Variants in ALCAM observed in about 807,000 individuals in gnomAD.
ALCAM encodes activated leukocyte cell adhesion molecule.
A neutral mutation model predicts 70.9 loss-of-function variants in ALCAM; 30 were observed. That is an observed-to-expected ratio of 0.42 (90% CI 0.32 to 0.57). The LOEUF (loss-of-function observed/expected upper bound fraction) is 0.57, where lower values mean the gene tolerates loss of function less well. ALCAM is among the 20% of genes least tolerant of loss of function. ALCAM has a pLI of 0.11. For missense variants in ALCAM, 591 were observed against 695.1 expected (o/e 0.85, Z 1.68); for synonymous variants, 249 against 242.5 (o/e 1.03, Z -0.25).
intron 1 of ALCAM, among the ~76,000 whole-genome samples, chr3:105,447,345 G>T (rs1937323617): frequency 6.6e-6 from 1 of 152,120 alleles, no homozygotes; most frequent in Admixed American, 6.6e-5. Flanking sequence ...TTTAGTGCAG[G>T]AGTAAATTTC....
At position 105,518,318 on chromosome 3, in the gene ALCAM, T is replaced by G. The variant is rs370199462; in HGVS notation, c.74-1749T>G. ...GGATCCTCTCAAAATTATTACATAT[T>G]CAAGTGCCTTGTTATAAGCTGATGA... On this transcript the variant is annotated intron_variant, in intron 1 of 15. Transcript: ENST00000306107. Among the ~76,000 whole-genome samples, 374 of 152,220 alleles carry G rather than the reference T, an allele frequency of 2.5e-3. 3 individuals are homozygous for G. Among genetic ancestry groups the G allele is most frequent in the South Asian group, 0.013 (65 of 4,830 alleles).
chr3:105,576,829 G>T lies in ALCAM; in HGVS notation c.*2378G>T, dbSNP rs902311684. The T allele has an allele frequency of 6.6e-6, 1 of 152,142 alleles. No homozygotes were observed. Among genetic ancestry groups the T allele is most frequent in the African/African-American group, 2.4e-5 (1 of 41,434 alleles). 9.4% of individuals were successfully genotyped at this position (152,142 alleles called of 1,614,324 possible). A position where few individuals can be genotyped will look rare whatever the true frequency, so the allele number is the denominator to read the frequency against. On this transcript the variant is annotated 3_prime_UTR_variant, in exon 16 of 16. Coordinates refer to ENST00000306107, the MANE Select transcript of ALCAM (RefSeq NM_001627.4). The stretch of plus-strand genomic sequence containing the variant: ...GGTTCACTCCCTATATGTGATTATA[G>T]GAATTGTTTGTGGAAATGGATTAAC...
chr3:105,550,160 T>G lies in ALCAM; in HGVS notation c.1408T>G (p.Tyr470Asp). The G allele has an allele frequency of 6.3e-7, 1 of 1,599,538 alleles. No homozygotes were observed. Among genetic ancestry groups the G allele is most frequent in the South Asian group, 1.1e-5 (1 of 90,456 alleles). Residue 470 changes from tyrosine to aspartate, a missense_variant, in exon 12 of 16, where the codon TAT becomes GAT. By Grantham distance (160) the Tyr-to-Asp change is radical (BLOSUM62 -3). This residue lies in a region of ALCAM where 164 missense variants were observed against 244.7 expected (regional missense o/e 0.67). Coordinates refer to ENST00000306107, the MANE Select transcript of ALCAM (RefSeq NM_001627.4). ...EESPYINGRY[Y>D]SKIIISPEEN... Reference sequence around the variant, plus strand: ...ATCTCCTTATATTAATGGCAGGTATTATAGTAAAATTATCATTTCCCCTGA... The same window carrying G: ...ATCTCCTTATATTAATGGCAGGTATGATAGTAAAATTATCATTTCCCCTGA...
At chr3:105,508,660 G>A (rs1443423500) in intron 1 of ALCAM, among the ~76,000 whole-genome samples, 1 of 151,988 alleles carries the variant, frequency 6.6e-6, no homozygotes, top group Non-Finnish European at 1.5e-5. Context: ...CATATGCCTT[G>A]TGAAATGATG....
At chr3:105,547,583 C>T (rs535644769) in intron 11 of ALCAM, 60 bp downstream of exon 11, 36 of 1,576,260 alleles carry the variant, frequency 2.3e-5, no homozygotes, top group South Asian at 1.1e-4. Context: ...TTTTCCTTCA[C>T]GAACCTACCC....
At chr3:105,525,833 A>G (rs143136387) in intron 3 of ALCAM, among the ~76,000 whole-genome samples, 9 of 152,296 alleles carry the variant, frequency 5.9e-5, no homozygotes, top group Non-Finnish European at 1.3e-4. Flanking sequence ...CTTTCCAGAA[A>G]CCATCCACAC....
intron 1 of ALCAM, among the ~76,000 whole-genome samples, chr3:105,409,529 GA>G (rs1246250927): frequency 6.6e-6 from 1 of 152,006 alleles, no homozygotes; most frequent in African/African-American, 2.4e-5. Flanking sequence ...GCATAAGAAT[GA>G]CGCATTGGAC....
chr3:105,494,168 T>C (rs1938670209), intron 1 of ALCAM, among the ~76,000 whole-genome samples: 1 of 152,152 alleles, frequency 6.6e-6, no homozygotes, highest in Non-Finnish European at 1.5e-5. Flanking sequence ...CTGTGAGACA[T>C]ATGGGCCCAA....
At chr3:105,382,993 C>T (rs947435709) in intron 1 of ALCAM, among the ~76,000 whole-genome samples, 1 of 151,746 alleles carries the variant, frequency 6.6e-6, no homozygotes, top group African/African-American at 2.4e-5. Flanking sequence ...ATTCCATGTG[C>T]TAGCCATATT....
At chr3:105,432,905 G>A (rs535627592) in intron 1 of ALCAM, among the ~76,000 whole-genome samples, 2 of 152,004 alleles carry the variant, frequency 1.3e-5, no homozygotes, top group Admixed American at 6.6e-5. Flanking sequence ...TCTGTGAAAC[G>A]TAACAGGAGC....
Position 105,444,644 on chromosome 3 carries a change from T to G in ALCAM, c.74-75423T>G, listed in dbSNP as rs1937255408. On this transcript the variant is annotated intron_variant, in intron 1 of 15. Coordinates refer to ENST00000306107, the MANE Select transcript of ALCAM (RefSeq NM_001627.4). ...ATGAAAAATATAACTTAAAATACCA[T>G]GACTTCTGAATCAGGGTAGTTTGCA... Among the ~76,000 whole-genome samples the G allele has an allele frequency of 2.0e-5, 3 of 152,190 alleles. No homozygotes were observed. In the South Asian group the frequency reaches 6.2e-4, roughly 32 times the overall value.
rs141039730 is a variant in ALCAM at position 105,493,686 on chromosome 3, A to G, written c.74-26381A>G. On this transcript the variant is annotated intron_variant, in intron 1 of 15. Transcript: ENST00000306107. ...TGGATTCTCCCATAGAGTCTCCAGA[A>G]AGTAACAATCTGCTGACACCTTGAT... Among the ~76,000 whole-genome samples the G allele has an allele frequency of 6.8e-3, 1,029 of 152,288 alleles. 13 individuals carry two copies. Among genetic ancestry groups the G allele is most frequent in the Middle Eastern group, 0.01 (3 of 294 alleles).
At chr3:105,411,519 T>C (rs1165766782) in intron 1 of ALCAM, among the ~76,000 whole-genome samples, 1 of 152,118 alleles carries the variant, frequency 6.6e-6, no homozygotes, top group Admixed American at 6.6e-5. Flanking sequence ...TTTTATTAAC[T>C]GTTACTATGT....
chr3:105,460,594 T>C (rs1937589147), intron 1 of ALCAM, among the ~76,000 whole-genome samples: 1 of 151,906 alleles, frequency 6.6e-6, no homozygotes, highest in South Asian at 2.1e-4. Flanking sequence ...GGACAAGAAC[T>C]CACAGAGAGA....
intron 1 of ALCAM, among the ~76,000 whole-genome samples, chr3:105,434,518 C>T (rs896045670): frequency 4.0e-5 from 6 of 151,880 alleles, no homozygotes; most frequent in South Asian, 4.2e-4. Context: ...ATTTTTCCTC[C>T]GATTTTGAGT....
chr3:105,502,342 C>A (rs543628934), intron 1 of ALCAM, among the ~76,000 whole-genome samples: 4 of 152,144 alleles, frequency 2.6e-5, no homozygotes, highest in Admixed American at 6.5e-5. Context: ...TTAAAAAATT[C>A]TTATCATCTA....
intron 1 of ALCAM, among the ~76,000 whole-genome samples, chr3:105,514,108 A>G (rs1167812151): frequency 6.6e-6 from 1 of 151,876 alleles, no homozygotes; most frequent in African/African-American, 2.4e-5. Flanking sequence ...ATTCCTTTCT[A>G]TACAGTCCCA....
chr3:105,515,314 T>A (rs1340370077), intron 1 of ALCAM, among the ~76,000 whole-genome samples: 1 of 152,044 alleles, frequency 6.6e-6, no homozygotes, highest in Non-Finnish European at 1.5e-5. Flanking sequence ...CAGGAATTAA[T>A]CCCTCATTGT....
At chr3:105,390,445 G>T (rs1235511878) in intron 1 of ALCAM, among the ~76,000 whole-genome samples, 1 of 151,870 alleles carries the variant, frequency 6.6e-6, no homozygotes, top group African/African-American at 2.4e-5. Flanking sequence ...TAATGGGGTT[G>T]TTGGGTTTTT....
Sources: gnomAD v4.1 joint callset for allele counts (sites outside exome capture counted in the v4.1 genomes callset) on GRCh38, gnomAD v4.1.1 for gene constraint, gnomAD v4.1.1 regional missense constraint, MANE v1.5 for transcripts, NCBI Gene and HGNC (gene_info 2026-07-23, HGNC 2026-07-21) for gene names.